Variants in SDK1 observed in about 807,000 individuals in gnomAD.
SDK1 encodes the protein protein sidekick-1.
A neutral mutation model predicts 245.5 loss-of-function variants in SDK1; 157 were observed. That is an observed-to-expected ratio of 0.64 (90% CI 0.56 to 0.73). The LOEUF is 0.73. SDK1 is among the 30% of genes least tolerant of loss of function. The pLI, the probability that SDK1 is intolerant of heterozygous loss-of-function variation, is 0.00. For missense variants in SDK1, 3,583 were observed against 3,002.3 expected (o/e 1.19, Z -4.52); for synonymous variants, 1,647 against 1,278.5 (o/e 1.29, Z -6.15).
intron 1 of SDK1, among the ~76,000 whole-genome samples, chr7:3,452,039 CAGAGAT>C (rs1237858639): frequency 6.6e-6 from 1 of 152,156 alleles, no homozygotes; most frequent in African/African-American, 2.4e-5. Flanking sequence ...ATTTTAAAAA[CAGAGAT>C]AGAGAACTAA....
intron 5 of SDK1, among the ~76,000 whole-genome samples, chr7:3,921,671 T>C (rs944320050): frequency 7.2e-5 from 11 of 151,934 alleles, no homozygotes; most frequent in African/African-American, 2.2e-4. Context: ...AGACTAGAAA[T>C]TAAAACTCCC....
In SDK1 at chr7:3,852,812, A is replaced by G. The variant is rs189669717; in HGVS notation, c.847+31229A>G. On this transcript the variant is annotated intron_variant, in intron 5 of 44. Transcript: ENST00000404826. Reference sequence around the variant, plus strand: ...TGAAATTTGCTTTTAAAAACATGCCATTTCAGGAAAGAAAAATATGTTTCT... The same window carrying G: ...TGAAATTTGCTTTTAAAAACATGCCGTTTCAGGAAAGAAAAATATGTTTCT... Among the ~76,000 whole-genome samples, 369 of 151,168 alleles carry G rather than the reference A, an allele frequency of 2.4e-3. 3 individuals carry two copies. The highest frequency in any genetic ancestry group is 0.01 in the Middle Eastern group (3 of 288).
chr7:3,542,671 A>G (rs922844167), intron 1 of SDK1, among the ~76,000 whole-genome samples: 3 of 152,348 alleles, frequency 2.0e-5, no homozygotes, highest in South Asian at 4.1e-4. Context: ...TACAATAACT[A>G]TTGGCTATGC....
chr7:3,489,368 G>A (rs1026859417), intron 1 of SDK1, among the ~76,000 whole-genome samples: 24 of 152,222 alleles, frequency 1.6e-4, no homozygotes, highest in African/African-American at 5.8e-4. Flanking sequence ...GAAATTTTCC[G>A]GTGATTTTTG....
intron 28 of SDK1, among the ~76,000 whole-genome samples, chr7:4,133,621 G>A (rs1785002985): frequency 1.3e-5 from 2 of 152,208 alleles, no homozygotes; most frequent in African/African-American, 2.4e-5. Context: ...AAGACCGAAT[G>A]CTTTCAGCCT....
chr7:3,692,604 A>G lies in SDK1; in HGVS notation c.713+50499A>G, dbSNP rs547192373. ...TTGTGCTTATTTAAACTGATGTGAT[A>G]AAAATATAAACTCTTGGCTACATGT... is the stretch of plus-strand genomic sequence containing the variant. On this transcript the variant is annotated intron_variant, in intron 4 of 44. Transcript: ENST00000404826. 5.3e-5 allele frequency among the ~76,000 whole-genome samples: 8 copies of G among 152,244 alleles called. No homozygotes were observed. The East Asian group carries it at 1.5e-3, about 29-fold the overall frequency.
chr7:4,164,010 C>G (rs556385124), intron 32 of SDK1, among the ~76,000 whole-genome samples: 1 of 152,116 alleles, frequency 6.6e-6, no homozygotes, highest in Admixed American at 6.6e-5. Context: ...TGCGGGGCTG[C>G]GTCTCGGCTG....
At chr7:3,519,047 A>G (rs1338364557) in intron 1 of SDK1, among the ~76,000 whole-genome samples, 1 of 152,204 alleles carries the variant, frequency 6.6e-6, no homozygotes, top group Admixed American at 6.6e-5. Context: ...AGCCAGGAAC[A>G]GAAAGTTAAA....
At chr7:3,326,640 A>G (rs1021322763) in intron 1 of SDK1, among the ~76,000 whole-genome samples, 1 of 152,122 alleles carries the variant, frequency 6.6e-6, no homozygotes, top group Non-Finnish European at 1.5e-5. Context: ...TCTTCTCACC[A>G]ACACTGCTTT....
intron 1 of SDK1, among the ~76,000 whole-genome samples, chr7:3,379,454 C>T (rs1023298723): frequency 4.6e-5 from 7 of 151,988 alleles, no homozygotes; most frequent in Non-Finnish European, 8.8e-5. Context: ...ACTCAGTGAC[C>T]GGGAATGGGG....
chr7:3,462,854 A>G (rs924844996), intron 1 of SDK1, among the ~76,000 whole-genome samples: 1 of 152,166 alleles, frequency 6.6e-6, no homozygotes, highest in Non-Finnish European at 1.5e-5. Flanking sequence ...GACTCATGAC[A>G]TCGTGCTTTT....
At chr7:3,617,393 A>G (rs541753333) in intron 1 of SDK1, among the ~76,000 whole-genome samples, 30 of 152,352 alleles carry the variant, frequency 2.0e-4, no homozygotes, top group African/African-American at 6.7e-4. Context: ...ATGACTTGTT[A>G]GAGCATATTG....
intron 4 of SDK1, among the ~76,000 whole-genome samples, chr7:3,647,211 A>C (rs1273284330): frequency 6.6e-6 from 1 of 152,226 alleles, no homozygotes; most frequent in Non-Finnish European, 1.5e-5. Flanking sequence ...TGATCACGCT[A>C]TAGCAGTCTA....
rs1467372206 is a variant in SDK1 at position 4,221,398 on chromosome 7, C to A, written c.5827+34C>A. The A allele has an allele frequency of 7.0e-6, 11 of 1,575,612 alleles. No individual in the cohort carries two copies. The East Asian group carries it at 2.3e-4, about 34-fold the overall frequency. The stretch of plus-strand genomic sequence containing the variant: ...GCAGGCCCCACAAACGGGGTCTCAG[C>A]CCAGCGGACGGCAGTGCTTCTAAGA... On this transcript the variant is annotated intron_variant, in intron 40 of 44. Transcript: ENST00000404826.
At chr7:4,081,777 A>G (rs2128179548) in intron 22 of SDK1, among the ~76,000 whole-genome samples, 1 of 152,328 alleles carries the variant, frequency 6.6e-6, no homozygotes, top group Admixed American at 6.5e-5. Context: ...AAGGAAGAAT[A>G]GAGTAAGCCC....
In SDK1 at chr7:4,075,505, C is replaced by T. The variant is rs571428348; in HGVS notation, c.3011-1493C>T. On this transcript the variant is annotated intron_variant, in intron 20 of 44. Transcript: ENST00000404826. ...TTGACTAGAAATAGGGAAGAGCAAG[C>T]GTTTTCAGCTGTTTTCTTTTGCCTG... Among the ~76,000 whole-genome samples, 3 of 152,238 alleles carry T rather than the reference C, an allele frequency of 2.0e-5. No homozygotes were observed. In the East Asian group the frequency reaches 5.8e-4, roughly 29 times the overall value.
chr7:4,199,557 G>A (rs1347871025), intron 35 of SDK1, among the ~76,000 whole-genome samples: 1 of 152,172 alleles, frequency 6.6e-6, no homozygotes, highest in Non-Finnish European at 1.5e-5. Context: ...TGAGTCTGAA[G>A]CTCTCTGGCC....
At chr7:3,690,923 A>G (rs568600392) in intron 4 of SDK1, among the ~76,000 whole-genome samples, 17 of 152,332 alleles carry the variant, frequency 1.1e-4, no homozygotes, top group African/African-American at 3.6e-4. Context: ...CTGGATGTCT[A>G]TAGGCATTCA....
chr7:3,986,547 C>T (rs1319222998), intron 13 of SDK1, among the ~76,000 whole-genome samples: 1 of 152,194 alleles, frequency 6.6e-6, no homozygotes, highest in Non-Finnish European at 1.5e-5. Flanking sequence ...AAATTGTTGA[C>T]CACGTTTTCT....
Sources: allele counts gnomAD v4.1 joint callset (sites outside exome capture counted in the v4.1 genomes callset), GRCh38; gene constraint gnomAD v4.1.1; transcripts MANE v1.5; gene names NCBI Gene and HGNC (gene_info 2026-07-23, HGNC 2026-07-21).